The following ZDHHC14 variants were observed in gnomAD, a reference collection of about 807,000 sequenced individuals.
ZDHHC14 encodes palmitoyltransferase ZDHHC14.
A neutral mutation model predicts 47.7 loss-of-function variants in ZDHHC14; 16 were observed. That is an observed-to-expected ratio of 0.34 (90% CI 0.23 to 0.51). The LOEUF (loss-of-function observed/expected upper bound fraction) is 0.51. ZDHHC14 is among the 20% of genes least tolerant of loss of function. The probability of loss-of-function intolerance (pLI) is 0.97; values close to 1 mark genes in which losing one functional copy is unlikely to be tolerated. For synonymous variants in ZDHHC14, 293 were observed against 278.9 expected (o/e 1.05, Z -0.50); for missense variants, 515 against 662.5 (o/e 0.78, Z 2.44).
At chr6:157,492,209 C>CCCCCCCG (rs1490649594) in intron 1 of ZDHHC14, among the ~76,000 whole-genome samples, 1 of 147,234 alleles carries the variant, frequency 6.8e-6, no homozygotes, top group African/African-American at 2.5e-5. Flanking sequence ...CGCCCCCGCC[C>CCCCCCCG]CCCAGCCACT....
intron 2 of ZDHHC14, among the ~76,000 whole-genome samples, chr6:157,576,658 A>T (rs1582966786): frequency 6.6e-6 from 1 of 152,360 alleles, no homozygotes; most frequent in Admixed American, 6.5e-5. Context: ...CAATAGATAT[A>T]GTCACAGAGA....
At chr6:157,613,975 C>T (rs1784852277) in intron 3 of ZDHHC14, among the ~76,000 whole-genome samples, 1 of 152,224 alleles carries the variant, frequency 6.6e-6, no homozygotes, top group Non-Finnish European at 1.5e-5. Context: ...GACTCTTCCT[C>T]TCGTGGTCTC....
intron 1 of ZDHHC14, among the ~76,000 whole-genome samples, chr6:157,448,427 AT>A (rs1054192630): frequency 2.0e-5 from 3 of 152,198 alleles, no homozygotes; most frequent in Non-Finnish European, 2.9e-5. Flanking sequence ...ATATAAAATC[AT>A]TTTGATCAAT....
intron 3 of ZDHHC14, among the ~76,000 whole-genome samples, chr6:157,617,777 A>C (rs955800588): frequency 7.2e-5 from 11 of 152,202 alleles, no homozygotes; most frequent in Non-Finnish European, 1.3e-4. Context: ...GGAGCTGGAA[A>C]AGGCGGTGGG....
chr6:157,601,562 T>C (rs764573854), intron 3 of ZDHHC14, among the ~76,000 whole-genome samples: 2 of 152,146 alleles, frequency 1.3e-5, no homozygotes, highest in African/African-American at 4.8e-5. Context: ...AGACATGTAC[T>C]CTCCACAAAT....
At chr6:157,453,788 T>TTTTTTGTGTGTGTGTGTG (rs3220439) in intron 1 of ZDHHC14, among the ~76,000 whole-genome samples, 7 of 148,098 alleles carry the variant, frequency 4.7e-5, no homozygotes, top group African/African-American at 1.8e-4. Context: ...TTTTTGTGTT[T>TTTTTTGTGTGTGTGTGTG]TGTGTGTGTG....
At chr6:157,416,665 C>A (rs1352483555) in intron 1 of ZDHHC14, among the ~76,000 whole-genome samples, 3 of 84,250 alleles carry the variant, frequency 3.6e-5, no homozygotes, top group Admixed American at 1.3e-4. Flanking sequence ...GAGACCCTGT[C>A]TCATTAAAAA....
intron 2 of ZDHHC14, among the ~76,000 whole-genome samples, chr6:157,576,963 A>T (rs539817078): frequency 1.3e-5 from 2 of 152,250 alleles, no homozygotes; most frequent in East Asian, 3.9e-4. Context: ...AGATTATTTC[A>T]TCACCCAGGT....
At chr6:157,438,967 G>A (rs924026434) in intron 1 of ZDHHC14, among the ~76,000 whole-genome samples, 3 of 152,154 alleles carry the variant, frequency 2.0e-5, no homozygotes, top group Non-Finnish European at 4.4e-5. Flanking sequence ...TTGAGCATTC[G>A]TGCTGAGTTA....
chr6:157,610,491 A>G (rs1784712279), intron 3 of ZDHHC14, among the ~76,000 whole-genome samples: 1 of 152,210 alleles, frequency 6.6e-6, no homozygotes, highest in African/African-American at 2.4e-5. Context: ...CCCTTCTGCC[A>G]TGAAGTTCTG....
At chr6:157,485,781 C>T (rs377639234) in intron 1 of ZDHHC14, among the ~76,000 whole-genome samples, 5 of 151,462 alleles carry the variant, frequency 3.3e-5, no homozygotes, top group South Asian at 2.1e-4. Flanking sequence ...GAGGCCAAGG[C>T]GGGTGGATCA....
chr6:157,509,523 A>C (rs1047172191), intron 1 of ZDHHC14, among the ~76,000 whole-genome samples: 4 of 152,216 alleles, frequency 2.6e-5, no homozygotes, highest in Non-Finnish European at 5.9e-5. Context: ...AAGGTCAGTT[A>C]GTAGGCGGCA....
intron 1 of ZDHHC14, among the ~76,000 whole-genome samples, chr6:157,433,771 C>T (rs1583640902): frequency 6.6e-6 from 1 of 152,182 alleles, no homozygotes; most frequent in Non-Finnish European, 1.5e-5. Flanking sequence ...TCGGCCTTGA[C>T]GAGTGTCCTT....
intron 1 of ZDHHC14, among the ~76,000 whole-genome samples, chr6:157,467,058 C>T (rs977845676): frequency 2.6e-5 from 4 of 152,074 alleles, no homozygotes; most frequent in Admixed American, 2.6e-4. Context: ...CCCCATAAGG[C>T]ATGTTCCCAT....
At chr6:157,605,773 C>T (rs1784516820) in intron 3 of ZDHHC14, among the ~76,000 whole-genome samples, 1 of 152,134 alleles carries the variant, frequency 6.6e-6, no homozygotes, top group African/African-American at 2.4e-5. Flanking sequence ...CAATTGGTGT[C>T]AACCGTGAAT....
chr6:157,616,798 G>A (rs1380094761), intron 3 of ZDHHC14, among the ~76,000 whole-genome samples: 1 of 152,132 alleles, frequency 6.6e-6, no homozygotes. Context: ...GGTGTCAAAC[G>A]CCCCTTCTGC....
intron 2 of ZDHHC14, among the ~76,000 whole-genome samples, chr6:157,573,898 G>T (rs901381889): frequency 6.6e-6 from 1 of 151,988 alleles, no homozygotes; most frequent in African/African-American, 2.4e-5. Flanking sequence ...GGAGATGCAC[G>T]GATGCTATGG....
At chr6:157,540,360 T>A (rs1031854045) in intron 1 of ZDHHC14, among the ~76,000 whole-genome samples, 1 of 152,178 alleles carries the variant, frequency 6.6e-6, no homozygotes, top group Non-Finnish European at 1.5e-5. Flanking sequence ...GAACTTGCTG[T>A]AAGAGCAAGA....
intron 5 of ZDHHC14, among the ~76,000 whole-genome samples, chr6:157,642,056 A>AGATAGATG (rs1777279752): frequency 6.6e-6 from 1 of 151,508 alleles, no homozygotes; most frequent in South Asian, 2.1e-4. Flanking sequence ...ATAGATAGAT[A>AGATAGATG]GATAGATAGA....
Sources: gnomAD v4.1 joint callset for allele counts (sites outside exome capture counted in the v4.1 genomes callset) on GRCh38, gnomAD v4.1.1 for gene constraint, MANE v1.5 for transcripts, NCBI Gene and HGNC (gene_info 2026-07-23, HGNC 2026-07-21) for gene names.